Variants in EFCAB6 observed in about 807,000 individuals in gnomAD.
The protein encoded by EFCAB6 is EF-hand calcium binding domain 6.
EFCAB6 carries 156 observed loss-of-function variants against 169.8 expected under a neutral mutation model. That is an observed-to-expected ratio of 0.92 (90% confidence interval 0.81 to 1.05). The LOEUF (loss-of-function observed/expected upper bound fraction) is 1.05, where lower values mean the gene tolerates loss of function less well. Among genes scored for constraint, EFCAB6 ranks in the 50% least tolerant of loss-of-function variants. The pLI is 0.00. For synonymous variants in EFCAB6, 698 were observed against 676.4 expected, an observed-to-expected ratio of 1.03 and a Z score of -0.50; for missense variants, 1,800 against 1,829.1, an observed-to-expected ratio of 0.98 and a Z score of 0.29.
At chr22:43,542,174 A>G (rs5764255) in intron 27 of EFCAB6, among the ~76,000 whole-genome samples, 60,635 of 152,136 alleles carry the variant, frequency 0.4, 12,256 homozygotes, top group African/African-American at 0.45. Context: ...GTCGGTGTGC[A>G]TGCTGACAGA....
At chr22:43,711,309 G>A (rs1441829037) in intron 10 of EFCAB6, among the ~76,000 whole-genome samples, 166 bp downstream of exon 10, 1 of 152,112 alleles carries the variant, frequency 6.6e-6, no homozygotes, top group Non-Finnish European at 1.5e-5. Context: ...GCTGGGTAGT[G>A]GGTACATTCA....
At chr22:43,530,555 A>G (rs1408056528) in intron 31 of EFCAB6, 1 of 985,246 alleles carries the variant, frequency 1.0e-6, no homozygotes, top group Admixed American at 6.1e-5. Context: ...TCAGGCACTG[A>G]CCCTGAGGAG....
intron 6 of EFCAB6, among the ~76,000 whole-genome samples, chr22:43,737,122 C>A (rs955440892): frequency 1.3e-5 from 2 of 152,172 alleles, no homozygotes; most frequent in Non-Finnish European, 2.9e-5. Flanking sequence ...ACCCAACTCA[C>A]CGCCTCTTCC....
chr22:43,654,347 C>T (rs988267319), intron 17 of EFCAB6, among the ~76,000 whole-genome samples: 1 of 152,148 alleles, frequency 6.6e-6, no homozygotes, highest in Non-Finnish European at 1.5e-5. Context: ...TTTCCAATAA[C>T]GAAGAGGGGA....
At chr22:43,629,862 C>T (rs1390536303) in intron 19 of EFCAB6, among the ~76,000 whole-genome samples, 1 of 152,082 alleles carries the variant, frequency 6.6e-6, no homozygotes, top group Non-Finnish European at 1.5e-5. Flanking sequence ...AGTGGGCACT[C>T]CGGTCAGAGA....
chr22:43,565,935 A>T (rs908639199), intron 26 of EFCAB6, among the ~76,000 whole-genome samples: 5 of 152,096 alleles, frequency 3.3e-5, no homozygotes, highest in Non-Finnish European at 7.4e-5. Flanking sequence ...AAAGAAATTA[A>T]TTGTACTGTA....
At chr22:43,604,221 C>T (rs533288635) in intron 22 of EFCAB6, among the ~76,000 whole-genome samples, 2 of 152,190 alleles carry the variant, frequency 1.3e-5, no homozygotes, top group African/African-American at 2.4e-5. Flanking sequence ...TATAGCAGCA[C>T]GAGAATAGAC....
chr22:43,733,634 T>C (rs928185845), intron 7 of EFCAB6, among the ~76,000 whole-genome samples: 3 of 152,194 alleles, frequency 2.0e-5, no homozygotes, highest in Non-Finnish European at 2.9e-5. Context: ...AGCCCTACTA[T>C]GTGCAAGCGC....
chr22:43,748,895 T>A (rs568672763), intron 6 of EFCAB6, among the ~76,000 whole-genome samples: 4 of 152,154 alleles, frequency 2.6e-5, no homozygotes, highest in Non-Finnish European at 5.9e-5. Context: ...CATGGGTATG[T>A]TCACCAGAGA....
chr22:43,555,190 C>G, intron 26 of EFCAB6, 94 bp from the exon 27 acceptor site: 1 of 1,347,662 alleles, frequency 7.4e-7, no homozygotes, highest in South Asian at 1.3e-5. Flanking sequence ...CAGGGAGACC[C>G]AGCGTGGTGG....
rs920376321 is a variant in EFCAB6 at position 43,579,926 on chromosome 22, G to A, written c.3228+538C>T. On this transcript the variant is annotated intron_variant, in intron 25 of 31. Coordinates refer to ENST00000262726, the MANE Select transcript of EFCAB6 (RefSeq NM_022785.4). ...TACACGCAGGCATCATTCCCTACACGCAGGCATCATTGCCTACATGCAAGC... is the reference window on the plus strand; with the variant it reads ...TACACGCAGGCATCATTCCCTACACACAGGCATCATTGCCTACATGCAAGC... Among the ~76,000 whole-genome samples the A allele has an allele frequency of 7.9e-5, 12 of 151,774 alleles. No homozygotes were observed. In the East Asian group the frequency reaches 1.4e-3, roughly 17 times the overall value.
At position 43,755,842 on chromosome 22, in the gene EFCAB6, A is replaced by T. The variant is rs748492723; in HGVS notation, c.441-10T>A. On this transcript the variant is annotated splice_polypyrimidine_tract_variant and intron_variant, in intron 5 of 31. Transcript: ENST00000262726. ...TTCATTCCCACCTCCCCTTAGAAAT[A>T]AAAAAAAAATCTTTATTAAAACATT... 4.4e-5 allele frequency: 61 copies of T among 1,399,824 alleles called. No homozygotes were observed. In the East Asian group the frequency reaches 5.5e-4, roughly 13 times the overall value. The allele number at this position is 1,399,824 out of a possible 1,614,324, so 86.7% of individuals were successfully genotyped here. A position where few individuals can be genotyped will look rare whatever the true frequency, so the allele number is the denominator to read the frequency against.
chr22:43,789,349 G>A (rs994691805), intron 2 of EFCAB6, among the ~76,000 whole-genome samples: 4 of 152,216 alleles, frequency 2.6e-5, no homozygotes, highest in African/African-American at 2.4e-5. Flanking sequence ...CAGAGATGCA[G>A]CAGCAGCACT....
intron 6 of EFCAB6, 75 bp from the exon 7 acceptor site, chr22:43,736,068 G>GT (rs565029169): frequency 4.3e-5 from 59 of 1,376,330 alleles, no homozygotes; most frequent in Admixed American, 1.9e-4. Flanking sequence ...AAATGTGAAA[G>GT]TTTTTTTTAA....
chr22:43,781,813 G>A (rs1349632218), intron 3 of EFCAB6, among the ~76,000 whole-genome samples: 1 of 151,974 alleles, frequency 6.6e-6, no homozygotes, highest in African/African-American at 2.4e-5. Context: ...GGGAGTGAGG[G>A]GGTGTATGGG....
chr22:43,681,990 G>A (rs149552806), intron 12 of EFCAB6, among the ~76,000 whole-genome samples: 217 of 152,334 alleles, frequency 1.4e-3, no homozygotes, highest in African/African-American at 4.3e-3. Context: ...ATCTAAAGCA[G>A]TCTTTTAAAC....
At chr22:43,607,224 G>C (rs536223455) in intron 22 of EFCAB6, among the ~76,000 whole-genome samples, 1 of 152,144 alleles carries the variant, frequency 6.6e-6, no homozygotes, top group Non-Finnish European at 1.5e-5. Flanking sequence ...CAGGTGGCCT[G>C]CTGAACAAGA....
intron 8 of EFCAB6, among the ~76,000 whole-genome samples, chr22:43,724,068 G>A (rs1416443078): frequency 1.3e-5 from 2 of 152,080 alleles, no homozygotes; most frequent in African/African-American, 2.4e-5. Context: ...ACTTCCTTCA[G>A]GATTGTAAGT....
chr22:43,812,042 C>G (rs2063149069), intron 1 of EFCAB6, 126 bp downstream of exon 1: 1 of 152,096 alleles, frequency 6.6e-6, no homozygotes, highest in African/African-American at 2.4e-5. Flanking sequence ...AATCACCACC[C>G]CTTCGTCCCT....
Sources: gnomAD v4.1 joint callset for allele counts (sites outside exome capture counted in the v4.1 genomes callset) on GRCh38, gnomAD v4.1.1 for gene constraint, MANE v1.5 for transcripts, NCBI Gene and HGNC (gene_info 2026-07-23, HGNC 2026-07-21) for gene names.